PCID2: variants seen among roughly 807,000 people sequenced by gnomAD.
PCID2 encodes the protein PCI domain-containing protein 2.
In PCID2, 41 loss-of-function variants were observed where a neutral mutation model predicts 61.3. That is an observed-to-expected ratio of 0.67 (90% CI 0.52 to 0.87). The LOEUF is 0.87. Ranked by LOEUF, PCID2 falls within the 40% of genes least tolerant of loss-of-function variation. The probability of loss-of-function intolerance (pLI) is 0.00; values close to 1 mark genes in which losing one functional copy is unlikely to be tolerated. For synonymous variants in PCID2, 187 were observed against 177.8 expected, an observed-to-expected ratio of 1.05 and a Z score of -0.41; for missense variants, 392 against 493.4, an observed-to-expected ratio of 0.79 and a Z score of 1.95.
intron 6 of PCID2, among the ~76,000 whole-genome samples, chr13:113,191,798 C>G (rs1274166559): frequency 6.6e-6 from 1 of 152,112 alleles, no homozygotes; most frequent in East Asian, 1.9e-4. Context: ...TCTTTTTTTA[C>G]TGTATTAACG....
chr13:113,169,091 A>G, the PCID2 span, among the ~76,000 whole-genome samples: 41 of 152,008 alleles, frequency 2.7e-4, no homozygotes, highest in South Asian at 8.3e-3. Context: ...CTCTAATTAC[A>G]TGTATCTTAA....
At chr13:113,174,905 C>CT (rs556294169), downstream of PCID2, among the ~76,000 whole-genome samples, 80 of 152,354 alleles carry the variant, frequency 5.3e-4, no homozygotes, top group African/African-American at 1.5e-3. Flanking sequence ...GACTTGAATG[C>CT]TGCCATGCTG....
intron 7 of PCID2, chr13:113,186,783 G>A (rs572241253): frequency 6.6e-6 from 1 of 152,334 alleles, no homozygotes; most frequent in South Asian, 2.1e-4. Flanking sequence ...GCGGGGGTGT[G>A]TAGCAGGCCA....
chr13:113,194,700 A>T (rs2038876787), intron 6 of PCID2, among the ~76,000 whole-genome samples: 1 of 152,154 alleles, frequency 6.6e-6, no homozygotes, highest in East Asian at 1.9e-4. Context: ...CCTACTGCCC[A>T]AATCTATATG....
chr13:113,198,414 T>C, intron 2 of PCID2, 150 bp from the exon 3 acceptor site: 2 of 560,760 alleles, frequency 3.6e-6, no homozygotes, highest in South Asian at 4.9e-5. Flanking sequence ...AAATAAAAGG[T>C]TCAGGCCGTG....
intron 1 of PCID2, 184 bp from the exon 2 acceptor site, chr13:113,200,700 T>C (rs983462193): frequency 4.9e-5 from 16 of 329,854 alleles, no homozygotes; most frequent in Admixed American, 2.9e-4. Context: ...TAATTTCTTT[T>C]TTTTTTTTTT....
At position 113,200,479 on chromosome 13, in the gene PCID2, C is replaced by A. The variant is rs776910105; in HGVS notation, c.74G>T (p.Cys25Phe). The part of the protein sequence containing the change: ...EAIDSRDGAS[C>F]AELVSFKHPH... ...ATGTTTAAAAGACACCAACTCTGCA[C>A]AAGATGCTCCATCTCTGCTGTCGAT... The change falls in exon 2 of 14, where the codon TGT (cysteine) becomes TTT (phenylalanine). Residue 25 changes from cysteine to phenylalanine, a missense_variant. Physicochemically the swap from Cys to Phe is radical, Grantham distance 205. Around this residue, in one of 3 missense-constraint regions of PCID2, gnomAD observed 155 missense variants for 164.9 expected, o/e 0.94. Transcript: ENST00000337344. 6.2e-7 allele frequency: 1 copy of A among 1,613,626 alleles called. No homozygotes were observed. Among genetic ancestry groups the A allele is most frequent in the Non-Finnish European group, 8.5e-7 (1 of 1,179,554 alleles).
chr13:113,203,668 C>T, intron 1 of PCID2, among the ~76,000 whole-genome samples: 1 of 152,236 alleles, frequency 6.6e-6, no homozygotes, highest in South Asian at 2.1e-4. Flanking sequence ...CCTGCAAGAA[C>T]TCACTGGTGC....
chr13:113,201,711 C>T (rs1232122861), intron 1 of PCID2, among the ~76,000 whole-genome samples: 2 of 149,666 alleles, frequency 1.3e-5, no homozygotes, highest in East Asian at 3.9e-4. Context: ...ACTCGGGAGG[C>T]TGAGGGAGGA....
At chr13:113,198,318 T>C (rs960364538) in intron 2 of PCID2, 54 bp from the exon 3 acceptor site, 54 of 1,042,340 alleles carry the variant, frequency 5.2e-5, no homozygotes, top group Admixed American at 9.8e-5. Context: ...ACAGAAAGAA[T>C]GCAACATATA....
chr13:113,172,350 A>T, the PCID2 span: 1 of 543,604 alleles, frequency 1.8e-6, no homozygotes, highest in East Asian at 3.3e-5. Context: ...GAGATACGTT[A>T]AATAATAAAA....
chr13:113,181,715 C>A (rs1229112859), intron 9 of PCID2, among the ~76,000 whole-genome samples: 2 of 152,200 alleles, frequency 1.3e-5, no homozygotes, highest in African/African-American at 2.4e-5. Flanking sequence ...TTTTAAATGA[C>A]CACATGCTTT....
At chr13:113,199,550 A>T (rs1349323579) in intron 2 of PCID2, among the ~76,000 whole-genome samples, 1 of 152,200 alleles carries the variant, frequency 6.6e-6, no homozygotes, top group African/African-American at 2.4e-5. Flanking sequence ...CACCGAAAGA[A>T]AGTTTACTGG....
chr13:113,165,822 C>G, the PCID2 span, among the ~76,000 whole-genome samples: 10 of 152,220 alleles, frequency 6.6e-5, no homozygotes, highest in South Asian at 1.9e-3. Context: ...TGAGCCACCA[C>G]GCCTGGCCTC....
Position 113,200,418 on chromosome 13 carries a change from T to G in PCID2, c.126+9A>C. 1 of 1,561,122 alleles carries G rather than the reference T, an allele frequency of 6.4e-7. No individual in the cohort carries two copies. The highest frequency in any genetic ancestry group is 8.8e-7 in the Non-Finnish European group (1 of 1,131,668). Reference sequence around the variant, plus strand: ...TGCAGACACCTGTGTGCACAGCTCTTTCACCTACTTGAAGTCGTGGGTTTG... The same window carrying G: ...TGCAGACACCTGTGTGCACAGCTCTGTCACCTACTTGAAGTCGTGGGTTTG... On this transcript the variant is annotated intron_variant, in intron 2 of 13. Coordinates refer to ENST00000337344, the MANE Select transcript of PCID2 (RefSeq NM_001127202.4).
chr13:113,194,067 T>C (rs1240907842), intron 6 of PCID2, among the ~76,000 whole-genome samples: 2 of 152,144 alleles, frequency 1.3e-5, no homozygotes, highest in Non-Finnish European at 2.9e-5. Context: ...CCTTAGCCAC[T>C]GAGTCGGGGA....
intron 5 of PCID2, among the ~76,000 whole-genome samples, 153 bp downstream of exon 5, chr13:113,196,028 A>G (rs2038987348): frequency 6.6e-6 from 1 of 152,172 alleles, no homozygotes; most frequent in Admixed American, 6.5e-5. Context: ...TTGTGACTCC[A>G]CTCATCTGTG....
chr13:113,165,011 A>G, the PCID2 span: 1 of 1,590,942 alleles, frequency 6.3e-7, no homozygotes, highest in Non-Finnish European at 8.6e-7. Flanking sequence ...ATTCGCTGAG[A>G]AGGCGCTGAT....
chr13:113,208,438 G>A (rs1422365844), intron 1 of PCID2, 161 bp downstream of exon 1: 30 of 1,507,100 alleles, frequency 2.0e-5, no homozygotes, highest in Non-Finnish European at 2.4e-5. Context: ...CCGAGTCCCG[G>A]CCGCCGCTGT....
Sources: gnomAD v4.1 joint callset for allele counts (sites outside exome capture counted in the v4.1 genomes callset) on GRCh38, gnomAD v4.1.1 for gene constraint, gnomAD v4.1.1 regional missense constraint, MANE v1.5 for transcripts, NCBI Gene and HGNC (gene_info 2026-07-23, HGNC 2026-07-21) for gene names.